Variants in FAM13A observed in about 807,000 individuals in gnomAD.
The protein encoded by FAM13A is family with sequence similarity 13 member A.
Under a neutral mutation model 129.6 loss-of-function variants are expected in FAM13A, and 76 were observed. The observed-to-expected ratio is 0.59, with a 90% CI of 0.49 to 0.71. The LOEUF is 0.71. Among genes scored for constraint, FAM13A ranks in the 30% least tolerant of loss-of-function variants. The pLI, the probability that FAM13A is intolerant of heterozygous loss-of-function variation, is 0.00. For synonymous variants in FAM13A, 443 were observed against 449.9 expected, an observed-to-expected ratio of 0.98 and a Z score of 0.20; for missense variants, 1,108 against 1,249.3, an observed-to-expected ratio of 0.89 and a Z score of 1.70.
At chr4:88,783,959 G>A (rs1723466479) in intron 10 of FAM13A, among the ~76,000 whole-genome samples, 1 of 152,064 alleles carries the variant, frequency 6.6e-6, no homozygotes, top group African/African-American at 2.4e-5. Flanking sequence ...TGTTGTTTAA[G>A]CCACCCAGTC....
chr4:88,964,897 G>C (rs1184003014), intron 4 of FAM13A, among the ~76,000 whole-genome samples: 1 of 151,938 alleles, frequency 6.6e-6, no homozygotes, highest in Non-Finnish European at 1.5e-5. Context: ...CAAAGTGCTG[G>C]GATTACAGGC....
chr4:88,946,066 A>G (rs1259045944), intron 4 of FAM13A, among the ~76,000 whole-genome samples: 3 of 139,202 alleles, frequency 2.2e-5, no homozygotes, highest in African/African-American at 5.4e-5. Context: ...GCATGCCTGG[A>G]TAGAACTAGA....
At chr4:89,007,463 C>G (rs1765201220) in intron 3 of FAM13A, among the ~76,000 whole-genome samples, 1 of 152,152 alleles carries the variant, frequency 6.6e-6, no homozygotes, top group South Asian at 2.1e-4. Context: ...GGAAAAAGAT[C>G]CTCGAGCCCC....
intron 1 of FAM13A, among the ~76,000 whole-genome samples, chr4:89,050,060 C>G (rs899165439): frequency 6.6e-6 from 1 of 152,174 alleles, no homozygotes; most frequent in African/African-American, 2.4e-5. Context: ...GGAAGTTGAA[C>G]AGATGGTCAG....
At chr4:88,772,137 T>C (rs931765834) in intron 11 of FAM13A, among the ~76,000 whole-genome samples, 17 of 152,288 alleles carry the variant, frequency 1.1e-4, no homozygotes, top group African/African-American at 3.8e-4. Context: ...CCTCTCTCAA[T>C]ATACAAACAG....
intron 4 of FAM13A, among the ~76,000 whole-genome samples, chr4:88,949,336 T>C (rs1388289745): frequency 6.6e-6 from 1 of 152,226 alleles, no homozygotes; most frequent in Non-Finnish European, 1.5e-5. Flanking sequence ...CTGATCAAAT[T>C]GCTCCATCTT....
At chr4:88,998,538 GTAGT>G (rs756289755) in intron 3 of FAM13A, among the ~76,000 whole-genome samples, 9 of 152,188 alleles carry the variant, frequency 5.9e-5, no homozygotes, top group Non-Finnish European at 1.0e-4. Flanking sequence ...AATCTGTTGT[GTAGT>G]GGAGAGGTGG....
At chr4:88,859,487 T>C (rs996065284) in intron 6 of FAM13A, among the ~76,000 whole-genome samples, 1 of 152,046 alleles carries the variant, frequency 6.6e-6, no homozygotes, top group Non-Finnish European at 1.5e-5. Context: ...AGCAGGTGGA[T>C]GCTGTCTCCT....
chr4:88,812,482 C>T (rs1729841463), intron 7 of FAM13A, among the ~76,000 whole-genome samples: 2 of 152,274 alleles, frequency 1.3e-5, no homozygotes, highest in South Asian at 2.1e-4. Flanking sequence ...TCTCTACAAA[C>T]CTCATTGCAC....
At chr4:89,053,929 T>C (rs181541465) in intron 1 of FAM13A, among the ~76,000 whole-genome samples, 8 of 152,236 alleles carry the variant, frequency 5.3e-5, no homozygotes, top group Non-Finnish European at 1.5e-5. Flanking sequence ...AGGATTCACC[T>C]GAGAGAAACA....
chr4:89,020,621 A>AC lies in FAM13A; in HGVS notation c.265dup (p.Val89GlyfsTer21). The stretch of plus-strand genomic sequence containing the variant: ...CTCGAACTTCAGTCGAAGTTGTTCC[A>AC]CCACCTTCACGTTACCATTCACCCT... On this transcript the variant is annotated frameshift_variant, in exon 3 of 24. Coordinates refer to ENST00000264344, the MANE Select transcript of FAM13A (RefSeq NM_014883.4). LOFTEE classifies it high-confidence loss of function. 6.2e-7 allele frequency: 1 copy of AC among 1,614,070 alleles called. No homozygotes were observed.
At chr4:88,977,652 T>C (rs1761084806) in intron 4 of FAM13A, among the ~76,000 whole-genome samples, 1 of 152,222 alleles carries the variant, frequency 6.6e-6, no homozygotes. Flanking sequence ...GCAATTAGCT[T>C]GCGGAGTAAT....
intron 3 of FAM13A, among the ~76,000 whole-genome samples, chr4:89,014,997 A>T (rs891974774): frequency 6.6e-6 from 1 of 152,196 alleles, no homozygotes; most frequent in Non-Finnish European, 1.5e-5. Context: ...AGCAAGGAAC[A>T]GCCCTGAGAA....
At position 88,748,934 on chromosome 4, in the gene FAM13A, C is replaced by T; in HGVS notation, c.2161+18G>A. 1 of 1,588,390 alleles carries T rather than the reference C, an allele frequency of 6.3e-7. No individual in the cohort carries two copies. Among genetic ancestry groups the T allele is most frequent in the Non-Finnish European group, 8.6e-7 (1 of 1,156,788 alleles). On this transcript the variant is annotated intron_variant, in intron 17 of 23. Transcript: ENST00000264344. ...CTGGCTTGTTGTACAGAAGCCACAGCTCCAGAATTTTACCCACCTTTAAGT... is the reference window on the plus strand; with the variant it reads ...CTGGCTTGTTGTACAGAAGCCACAGTTCCAGAATTTTACCCACCTTTAAGT...
At chr4:88,868,132 T>C (rs1740755778) in intron 6 of FAM13A, among the ~76,000 whole-genome samples, 1 of 152,164 alleles carries the variant, frequency 6.6e-6, no homozygotes, top group Admixed American at 6.6e-5. Context: ...TTCTAATCAA[T>C]AAATATGCTG....
intron 13 of FAM13A, among the ~76,000 whole-genome samples, chr4:88,760,528 C>T (rs1488866211): frequency 1.2e-4 from 4 of 33,416 alleles, no homozygotes; most frequent in South Asian, 6.5e-4. Flanking sequence ...GGCGTGAACC[C>T]GGGAGGCGGA....
rs770042385 is a variant in FAM13A at position 88,739,109 on chromosome 4, C to T, written c.2483G>A (p.Arg828Gln). ...IHGRPVTKNERQVMKPLYDRY... is the reference protein window; with the variant it reads ...IHGRPVTKNEQQVMKPLYDRY... ...GTCGTATAGTGGCTTCATCACCTGCCGTTCGTTCTTTGTTACCTGAAAAGC... is the reference window on the plus strand; with the variant it reads ...GTCGTATAGTGGCTTCATCACCTGCTGTTCGTTCTTTGTTACCTGAAAAGC... The change falls in exon 20 of 24, where the codon CGG becomes CAG. Residue 828 changes from arginine to glutamine, a missense_variant. By Grantham distance (43) the Arg-to-Gln change is conservative (BLOSUM62 1). Transcript: ENST00000264344. 1.3e-5 allele frequency: 21 copies of T among 1,613,500 alleles called. No homozygotes were observed. Among genetic ancestry groups the T allele is most frequent in the African/African-American group, 5.3e-5 (4 of 74,814 alleles).
rs571866801 is a variant in FAM13A, at chr4:88,950,480, T to C, written c.606-12239A>G. 6.2e-4 allele frequency among the ~76,000 whole-genome samples: 94 copies of C among 152,328 alleles called. 1 individual carries two copies. The highest frequency in any genetic ancestry group is 2.1e-3 in the African/African-American group (87 of 41,574). ...ATATAGAAGCACATGATAATTGGGA[T>C]ATAATTACTATCATTTTTAGTTCTC... On this transcript the variant is annotated intron_variant, in intron 4 of 23. Transcript: ENST00000264344.
chr4:88,821,592 A>G (rs555125581), intron 7 of FAM13A, among the ~76,000 whole-genome samples: 1 of 152,302 alleles, frequency 6.6e-6, no homozygotes. Flanking sequence ...AGTAGCCAAT[A>G]TTCTTATCTA....
Sources: gnomAD v4.1 joint callset for allele counts (sites outside exome capture counted in the v4.1 genomes callset) on GRCh38, gnomAD v4.1.1 for gene constraint, MANE v1.5 for transcripts, NCBI Gene and HGNC (gene_info 2026-07-23, HGNC 2026-07-21) for gene names.